The following TERT variants were observed in gnomAD, a reference collection of about 807,000 sequenced individuals.
The protein encoded by TERT is telomerase reverse transcriptase.
TERT carries 42 observed loss-of-function variants against 104.0 expected under a neutral mutation model. That is an observed-to-expected ratio of 0.40 (90% confidence interval 0.32 to 0.52). The LOEUF (loss-of-function observed/expected upper bound fraction) is 0.52, where lower values mean the gene tolerates loss of function less well. TERT is among the 20% of genes least tolerant of loss of function. The pLI is 0.43. For missense variants in TERT, 1,101 were observed against 1,610.3 expected (o/e 0.68, Z 5.41); for synonymous variants, 781 against 725.6 (o/e 1.08, Z -1.23).
In TERT at chr5:1,293,549, C is replaced by A. The variant is rs111952055; in HGVS notation, c.1337G>T (p.Arg446Leu). The A allele has an allele frequency of 6.5e-7, 1 of 1,549,296 alleles. No homozygotes were observed. Among genetic ancestry groups the A allele is most frequent in the South Asian group, 1.2e-5 (1 of 84,346 alleles). ...AAPEEEDTDP[R>L]RLVQLLRQHS... ...CTGGCGGAGCAGCTGCACCAGGCGA[C>A]GGGGGTCTGTGTCCTCCTCCTCGGG... The change falls in exon 2 of 16, where the codon CGT (arginine) becomes CTT (leucine). Residue 446 changes from arginine (R) to leucine (L), a missense_variant. Physicochemically the swap from Arg to Leu is moderately radical, Grantham distance 102. This residue lies in a region of TERT where 504 missense variants were observed against 544.6 expected (regional missense o/e 0.93). Coordinates refer to ENST00000310581, the MANE Select transcript of TERT (RefSeq NM_198253.3).
rs866101734 is a variant in TERT at position 1,293,670 on chromosome 5, C to A, written c.1216G>T (p.Gly406Trp). 6.4e-7 allele frequency: 1 copy of A among 1,568,036 alleles called. No homozygotes were observed. Among genetic ancestry groups the A allele is most frequent in the African/African-American group, 1.3e-5 (1 of 74,370 alleles). Residue 406 changes from glycine to tryptophan, a missense_variant, in exon 2 of 16, where the codon GGG becomes TGG. Physicochemically the swap from Gly to Trp is radical, Grantham distance 184. Transcript: ENST00000310581. ...LLGNHAQCPY[G>W]VLLKTHCPLR... is the part of the protein sequence containing the mutation. ...GGGCAGTGCGTCTTGAGGAGCACCC[C>A]GTAGGGGCACTGCGCGTGGTTCCCA...
In TERT at chr5:1,262,387, A is replaced by G. The variant is rs1748295778; in HGVS notation, c.2844-1787T>C. ...AGTTCTGACCACATTCTACCATCTG[A>G]GCTGTGGTTTGGGAGACTAAAATCT... On this transcript the variant is annotated intron_variant, in intron 11 of 15. Transcript: ENST00000310581. This position sits in a 1 kb window ranked among gnomAD's most constrained non-coding sequence, Gnocchi z 5.6. 6.6e-6 allele frequency among the ~76,000 whole-genome samples: 1 copy of G among 152,160 alleles called. No homozygotes were observed. Among genetic ancestry groups the G allele is most frequent in the Non-Finnish European group, 1.5e-5 (1 of 68,034 alleles).
chr5:1,278,332 C>T (rs144020096), intron 6 of TERT, among the ~76,000 whole-genome samples: 14 of 152,170 alleles, frequency 9.2e-5, no homozygotes, highest in African/African-American at 3.1e-4. Context: ...CACACACACA[C>T]ACCACAAATA....
intron 1 of TERT, 50 bp from the exon 2 acceptor site, chr5:1,294,716 G>T: frequency 6.4e-7 from 1 of 1,573,430 alleles, no homozygotes. Flanking sequence ...GCATGTCGCT[G>T]GTTCCCCCCG....
intron 10 of TERT, 84 bp downstream of exon 10, chr5:1,266,380 G>C (rs1481198240): frequency 2.5e-6 from 3 of 1,189,362 alleles, no homozygotes; most frequent in Non-Finnish European, 2.4e-6. Context: ...ACAACGCTGC[G>C]GTGCCAGGGG....
intron 2 of TERT, chr5:1,282,898 C>T (rs544424025): frequency 3.9e-6 from 2 of 508,812 alleles, no homozygotes; most frequent in Admixed American, 6.1e-5. Flanking sequence ...CACCACACAT[C>T]CAGCTCACCG....
In TERT at chr5:1,293,857, G is replaced by A; in HGVS notation, c.1029C>T (p.Pro343=). 1 of 1,546,804 alleles carries A rather than the reference G, an allele frequency of 6.5e-7. No individual in the cohort carries two copies. The highest frequency in any genetic ancestry group is 8.7e-7 in the Non-Finnish European group (1 of 1,147,000). The stretch of plus-strand genomic sequence containing the variant: ...GCCTCAGAGAGCTGAGTAGGAAGGA[G>A]GGCCGCAGCTGCTCCTTGTCGCCTG... ...YSSGDKEQLR[P]SFLLSSLRPS... Residue 343 remains proline, a synonymous_variant, in exon 2 of 16, where the codon CCC becomes CCT. Transcript: ENST00000310581.
chr5:1,289,271 A>G (rs1400429669), intron 2 of TERT, among the ~76,000 whole-genome samples: 1 of 142,294 alleles, frequency 7.0e-6, no homozygotes, highest in East Asian at 2.2e-4. Context: ...CTCACCCTAC[A>G]CCTGAGAGGG....
chr5:1,291,167 G>C (rs1454095368), intron 2 of TERT, among the ~76,000 whole-genome samples: 8 of 103,572 alleles, frequency 7.7e-5, no homozygotes, highest in African/African-American at 3.1e-4. Flanking sequence ...CTATACCTGG[G>C]AGGGACACCC....
At position 1,257,436 on chromosome 5, in the gene TERT, C is replaced by T. The variant is rs1747827712; in HGVS notation, c.3032+1162G>A. On this transcript the variant is annotated intron_variant, in intron 13 of 15. Coordinates refer to ENST00000310581, the MANE Select transcript of TERT (RefSeq NM_198253.3). This position sits in a 1 kb window ranked among gnomAD's most constrained non-coding sequence, Gnocchi z 5.6. ...TCAGTGGCACCTGTATCCAGCACAC[C>T]CCAAGGGTTTCCGGAAAGGAGTCAA... is the stretch of plus-strand genomic sequence containing the variant. Among the ~76,000 whole-genome samples the T allele has an allele frequency of 3.3e-5, 5 of 152,134 alleles. No homozygotes were observed. Among genetic ancestry groups the T allele is most frequent in the Admixed American group, 3.3e-4 (5 of 15,282 alleles).
chr5:1,291,415 G>T (rs796501027), intron 2 of TERT, among the ~76,000 whole-genome samples: 102 of 13,770 alleles, frequency 7.4e-3, no homozygotes, highest in African/African-American at 0.011. Flanking sequence ...ACCCTGCACG[G>T]GACAGGGACA....
rs745806589 is a variant in TERT, at chr5:1,282,550, T to G, written c.1648A>C (p.Ser550Arg). 1.2e-6 allele frequency: 2 copies of G among 1,614,090 alleles called. No homozygotes were observed. Among genetic ancestry groups the G allele is most frequent in the Admixed American group, 1.7e-5 (1 of 60,028 alleles). ...CTGAGCAGCTCGACGACGTACACAC[T>G]CATCAGCCAGTGCAGGAACTTGGCC... The part of the protein sequence containing the change: ...ILAKFLHWLM[S>R]VYVVELLRSF... Residue 550 changes from serine (S) to arginine (R), a missense_variant, in exon 3 of 16, where the codon AGT becomes CGT. Ser to Arg is a moderately radical substitution (Grantham distance 110). Coordinates refer to ENST00000310581, the MANE Select transcript of TERT (RefSeq NM_198253.3).
intron 2 of TERT, among the ~76,000 whole-genome samples, chr5:1,283,200 C>T (rs1283877643): frequency 4.3e-5 from 6 of 140,206 alleles, no homozygotes; most frequent in Admixed American, 2.1e-4. Context: ...GGACACCACA[C>T]ATCCAGCTAA....
In TERT at chr5:1,272,083, C is replaced by T. The variant is rs188631258; in HGVS notation, c.2382+102G>A. On this transcript the variant is annotated intron_variant, in intron 7 of 15. Coordinates refer to ENST00000310581, the MANE Select transcript of TERT (RefSeq NM_198253.3). ...CATCACAGCTCATTCCCCCCACTGC[C>T]CCCCAGGGCCAACAGTCTGTCCGGT... 342 of 1,011,938 alleles carry T rather than the reference C, an allele frequency of 3.4e-4. No individual in the cohort carries two copies. The African/African-American group carries it at 5.0e-3, about 15-fold the overall frequency. 62.7% of individuals were successfully genotyped at this position (1,011,938 alleles called of 1,614,324 possible).
At position 1,266,478 on chromosome 5, in the gene TERT, C is replaced by T. The variant is rs754776542; in HGVS notation, c.2640G>A (p.Ala880=). ...FLLVTPHLTH[A]KTFLRTLVRG... Reference sequence around the variant, plus strand: ...ACGGGCCTCACCTGAGGAAGGTTTTCGCGTGGGTGAGGTGAGGTGTCACCA... The same window carrying T: ...ACGGGCCTCACCTGAGGAAGGTTTTTGCGTGGGTGAGGTGAGGTGTCACCA... The change falls in exon 10 of 16, where the codon GCG becomes GCA. Residue 880 remains alanine, a synonymous_variant. Transcript: ENST00000310581. The T allele has an allele frequency of 1.6e-5, 25 of 1,609,168 alleles. No homozygotes were observed. The highest frequency in any genetic ancestry group is 3.3e-4 in the Middle Eastern group (2 of 6,082).
intron 7 of TERT, among the ~76,000 whole-genome samples, chr5:1,271,437 G>T (rs1366701570): frequency 6.6e-6 from 1 of 152,214 alleles, no homozygotes; most frequent in Non-Finnish European, 1.5e-5. Context: ...TGTGGGTCCA[G>T]CTGGGCTCAC....
intron 11 of TERT, 77 bp from the exon 12 acceptor site, chr5:1,260,677 A>G: frequency 1.3e-6 from 2 of 1,596,042 alleles, no homozygotes; most frequent in Admixed American, 1.7e-5. Context: ...TGCTCCAAAG[A>G]GCCTCCTGCC....
chr5:1,293,343 G>T lies in TERT; in HGVS notation c.1543C>A (p.Arg515=), dbSNP rs1751112187. The T allele has an allele frequency of 6.2e-7, 1 of 1,613,236 alleles. No individual in the cohort carries two copies. Among genetic ancestry groups the T allele is most frequent in the Non-Finnish European group, 8.5e-7 (1 of 1,180,022 alleles). The part of the protein sequence containing the change: ...LQELTWKMSV[R]DCAWLRRSPG... ...CTCCTGCGCAGCCAAGCGCAGTCCC[G>T]CACGCTCATCTTCCACGTCAGCTCC... The change falls in exon 2 of 16, where the codon CGG becomes AGG. Residue 515 remains arginine (R), a synonymous_variant. Coordinates refer to ENST00000310581, the MANE Select transcript of TERT (RefSeq NM_198253.3).
At position 1,286,299 on chromosome 5, in the gene TERT, G is replaced by A. The variant is rs750888914; in HGVS notation, c.1574-3675C>T. On this transcript the variant is annotated intron_variant, in intron 2 of 15. Coordinates refer to ENST00000310581, the MANE Select transcript of TERT (RefSeq NM_198253.3). The surrounding 1 kb of genome is among the most constrained non-coding windows in gnomAD (Gnocchi z 5.3). ...GGGGTTTACCAGCAATAACAAGACAGAAGAACCACGCAAAGGACAAGGAAG... is the reference window on the plus strand; with the variant it reads ...GGGGTTTACCAGCAATAACAAGACAAAAGAACCACGCAAAGGACAAGGAAG... Among the ~76,000 whole-genome samples the A allele has an allele frequency of 1.3e-5, 2 of 152,212 alleles. No homozygotes were observed. The highest frequency in any genetic ancestry group is 2.9e-5 in the Non-Finnish European group (2 of 68,036).
Sources: allele counts gnomAD v4.1 joint callset (sites outside exome capture counted in the v4.1 genomes callset), GRCh38; gene constraint gnomAD v4.1.1; regional missense constraint gnomAD v4.1.1; non-coding constraint Gnocchi (gnomAD v3.1); transcripts MANE v1.5; gene names NCBI Gene and HGNC (gene_info 2026-07-23, HGNC 2026-07-21).